The following MNAT1 variants were observed in gnomAD, a reference collection of about 807,000 sequenced individuals.
MNAT1 encodes CDK-activating kinase assembly factor MAT1.
In MNAT1, 43 loss-of-function variants were observed where a neutral mutation model predicts 42.0. That is an observed-to-expected ratio of 1.02 (90% confidence interval 0.80 to 1.32). The LOEUF (loss-of-function observed/expected upper bound fraction) is 1.32. Among genes scored for constraint, MNAT1 ranks in the 40% most tolerant of loss-of-function variants. The pLI, the probability that MNAT1 is intolerant of heterozygous loss-of-function variation, is 0.00. For synonymous variants in MNAT1, 118 were observed against 120.0 expected (o/e 0.98, Z 0.11); for missense variants, 306 against 350.4 (o/e 0.87, Z 1.01).
intron 7 of MNAT1, among the ~76,000 whole-genome samples, chr14:60,903,868 T>G (rs980801794): frequency 6.7e-6 from 1 of 149,200 alleles, no homozygotes; most frequent in South Asian, 2.1e-4. Context: ...CATGTAAGTT[T>G]TTTTTTTTTT....
chr14:60,750,037 C>G (rs1255089082), intron 1 of MNAT1, among the ~76,000 whole-genome samples: 3 of 152,052 alleles, frequency 2.0e-5, no homozygotes, highest in South Asian at 2.1e-4. Context: ...GATTTCTGGG[C>G]CCTACCATAG....
intron 1 of MNAT1, among the ~76,000 whole-genome samples, chr14:60,784,418 A>AT (rs2065538435): frequency 6.6e-6 from 1 of 150,748 alleles, no homozygotes; most frequent in Non-Finnish European, 1.5e-5. Flanking sequence ...GACTTAAATG[A>AT]TCCTCCTGCT....
chr14:60,739,953 A>C (rs1896416705), intron 1 of MNAT1, among the ~76,000 whole-genome samples: 1 of 152,242 alleles, frequency 6.6e-6, no homozygotes, highest in Non-Finnish European at 1.5e-5. Flanking sequence ...CAGGAGTTCG[A>C]GACCATCCTG....
intron 1 of MNAT1, among the ~76,000 whole-genome samples, chr14:60,739,415 A>G (rs1896402026): frequency 6.6e-6 from 1 of 151,556 alleles, no homozygotes; most frequent in Non-Finnish European, 1.5e-5. Context: ...GTCCTCAAGT[A>G]GCAAAGACTT....
intron 1 of MNAT1, among the ~76,000 whole-genome samples, chr14:60,764,448 C>G (rs1211164886): frequency 6.9e-6 from 1 of 144,098 alleles, no homozygotes; most frequent in African/African-American, 2.6e-5. Flanking sequence ...AAGCTTATCA[C>G]AAACAGCCAG....
chr14:60,757,414 C>T (rs763924935), intron 1 of MNAT1, among the ~76,000 whole-genome samples: 1 of 152,102 alleles, frequency 6.6e-6, no homozygotes, highest in Non-Finnish European at 1.5e-5. Flanking sequence ...CACCCACACA[C>T]AGGCTAGAAT....
rs373340099 is a variant in MNAT1, at chr14:60,863,887, G to C, written c.688-15827G>C. 5.9e-5 allele frequency among the ~76,000 whole-genome samples: 9 copies of C among 152,116 alleles called. No individual in the cohort carries two copies. The East Asian group carries it at 1.7e-3, about 29-fold the overall frequency. On this transcript the variant is annotated intron_variant, in intron 6 of 7. Coordinates refer to ENST00000261245, the MANE Select transcript of MNAT1 (RefSeq NM_002431.4). Reference sequence around the variant, plus strand: ...TTAGTATAGTCAGCTTTCTAGAAAGGCAATTTACTTCTGCATTGCCAGGAA... The same window carrying C: ...TTAGTATAGTCAGCTTTCTAGAAAGCCAATTTACTTCTGCATTGCCAGGAA...
chr14:60,752,782 T>G (rs1295506496), intron 1 of MNAT1, among the ~76,000 whole-genome samples: 2 of 152,220 alleles, frequency 1.3e-5, no homozygotes, highest in Non-Finnish European at 2.9e-5. Context: ...TATTATTTTT[T>G]GAGATGGAGT....
At chr14:60,826,151 G>T (rs1182161068) in intron 6 of MNAT1, among the ~76,000 whole-genome samples, 3 of 152,078 alleles carry the variant, frequency 2.0e-5, no homozygotes, top group Admixed American at 6.6e-5. Flanking sequence ...TATGAAGGTT[G>T]TGCCGGATTT....
chr14:60,847,403 CAAAAAAA>C (rs77882001), intron 6 of MNAT1, among the ~76,000 whole-genome samples: 1 of 54,612 alleles, frequency 1.8e-5, no homozygotes, highest in Non-Finnish European at 3.9e-5. Context: ...GACAACGTCT[CAAAAAAA>C]AAAAAAAAAA....
intron 6 of MNAT1, among the ~76,000 whole-genome samples, chr14:60,867,705 T>C (rs2034236260): frequency 6.6e-6 from 1 of 152,122 alleles, no homozygotes; most frequent in South Asian, 2.1e-4. Context: ...AGACTTACTG[T>C]TTCAGTCTCC....
chr14:60,967,157 A>G (rs1397533276), intron 7 of MNAT1, among the ~76,000 whole-genome samples: 2 of 152,008 alleles, frequency 1.3e-5, no homozygotes, highest in African/African-American at 4.8e-5. Flanking sequence ...TTTCTACTGG[A>G]CTCTTATATT....
At chr14:60,951,808 G>T (rs771240748) in intron 7 of MNAT1, among the ~76,000 whole-genome samples, 14 of 151,560 alleles carry the variant, frequency 9.2e-5, no homozygotes, top group Non-Finnish European at 1.6e-4. Flanking sequence ...AGTGGGAGTT[G>T]TTTTCCTGTG....
intron 7 of MNAT1, among the ~76,000 whole-genome samples, chr14:60,894,606 C>A (rs149855608): frequency 6.6e-6 from 1 of 152,002 alleles, no homozygotes; most frequent in East Asian, 1.9e-4. Context: ...TAAGGTATAA[C>A]CTTAGTGTTC....
At chr14:60,871,922 C>A (rs1449697586) in intron 6 of MNAT1, among the ~76,000 whole-genome samples, 1 of 152,152 alleles carries the variant, frequency 6.6e-6, no homozygotes, top group Non-Finnish European at 1.5e-5. Context: ...TGCACCCAGT[C>A]TCTAAGAATT....
At chr14:60,867,308 A>G (rs995535584) in intron 6 of MNAT1, among the ~76,000 whole-genome samples, 1 of 152,092 alleles carries the variant, frequency 6.6e-6, no homozygotes, top group Non-Finnish European at 1.5e-5. Flanking sequence ...TGAAGAAGCC[A>G]GTTTTAGAAG....
chr14:60,858,524 C>T (rs930486763), intron 6 of MNAT1, among the ~76,000 whole-genome samples: 4 of 151,684 alleles, frequency 2.6e-5, no homozygotes, highest in Non-Finnish European at 5.9e-5. Flanking sequence ...CTGTAGGTTG[C>T]CTGTTCACTC....
At chr14:60,737,541 A>T (rs1896340311) in intron 1 of MNAT1, among the ~76,000 whole-genome samples, 1 of 152,034 alleles carries the variant, frequency 6.6e-6, no homozygotes, top group Non-Finnish European at 1.5e-5. Flanking sequence ...TTTTAAAATT[A>T]ATATTTAATT....
chr14:60,835,412 A>C (rs188867854), intron 6 of MNAT1, among the ~76,000 whole-genome samples: 1 of 152,100 alleles, frequency 6.6e-6, no homozygotes, highest in Admixed American at 6.6e-5. Flanking sequence ...TGCTTCCTTC[A>C]GGAGCTCTTG....
Sources: allele counts gnomAD v4.1 joint callset (sites outside exome capture counted in the v4.1 genomes callset), GRCh38; gene constraint gnomAD v4.1.1; transcripts MANE v1.5; gene names NCBI Gene and HGNC (gene_info 2026-07-23, HGNC 2026-07-21).